The following PUDP variants were observed in gnomAD, a reference collection of about 807,000 sequenced individuals.
PUDP encodes pseudouridine-5'-phosphatase.
PUDP carries 8 observed loss-of-function variants against 9.4 expected under a neutral mutation model. That is an observed-to-expected ratio of 0.85 (90% CI 0.50 to 1.53). The LOEUF is 1.53. Ranked by LOEUF, PUDP falls within the 40% of genes most tolerant of loss-of-function variation. PUDP has a pLI of 0.00. For synonymous variants in PUDP, 99 were observed against 80.7 expected (o/e 1.23, Z -1.22); for missense variants, 188 against 189.7 (o/e 0.99, Z 0.05).
At chrX:6,821,245 C>A (rs754868341) in intron 3 of PUDP, among the ~76,000 whole-genome samples, 1 of 111,644 alleles carries the variant, frequency 9.0e-6, no homozygotes, top group East Asian at 2.9e-4. Context: ...TGCATCCTCA[C>A]AAAGGGCGGG....
chrX:6,733,770 C>CTTTTTTTTTTTT (rs3046297), intron 3 of PUDP, among the ~76,000 whole-genome samples: 1 of 46,262 alleles, frequency 2.2e-5, no homozygotes, highest in Non-Finnish European at 3.4e-5. Flanking sequence ...AAAGCAAAGC[C>CTTTTTTTTTTTT]TTTTTTTTTT....
At chrX:6,706,858 A>G (rs1420582050) in intron 1 of PUDP, among the ~76,000 whole-genome samples, 2 of 111,414 alleles carry the variant, frequency 1.8e-5, no homozygotes, top group African/African-American at 3.3e-5. Flanking sequence ...CATCCCCTTT[A>G]TATTCACCTT....
At chrX:7,054,157 C>G (rs1274178379) in intron 3 of PUDP, among the ~76,000 whole-genome samples, 3 of 112,009 alleles carry the variant, frequency 2.7e-5, no homozygotes, top group African/African-American at 9.7e-5. Context: ...GTGGCTCACA[C>G]CTGTATTTTG....
chrX:6,953,948 C>A (rs1928589586), intron 3 of PUDP, among the ~76,000 whole-genome samples: 1 of 110,878 alleles, frequency 9.0e-6, no homozygotes, highest in Non-Finnish European at 1.9e-5. Flanking sequence ...CCATGCTTTT[C>A]TCAATGATAG....
chrX:6,751,123 C>A (rs904636935), intron 3 of PUDP, among the ~76,000 whole-genome samples: 10 of 103,636 alleles, frequency 9.6e-5, no homozygotes, highest in African/African-American at 3.6e-4. Context: ...GCCTGGGTGA[C>A]AGAGTGAGAA....
At position 6,851,318 on chromosome X, in the gene PUDP, C is replaced by T. The variant is rs1278405880; in HGVS notation, c.*247+125815G>A. 1.8e-5 allele frequency among the ~76,000 whole-genome samples: 2 copies of T among 112,086 alleles called. 1 individual carries two copies. Among genetic ancestry groups the T allele is most frequent in the South Asian group, 7.3e-4 (2 of 2,730 alleles). ...TTCTAGAGAAGTGAAAGCAATTAGA[C>T]GTTATCCTTCATTTCTTCTGTTCAG... is the stretch of plus-strand genomic sequence containing the variant. On this transcript the variant is annotated intron_variant and NMD_transcript_variant, in intron 3 of 3. Coordinates refer to the PUDP transcript ENST00000655425.
At position 6,759,676 on chromosome X, in the gene PUDP, TAG is replaced by T; in HGVS notation, c.*248-53212_*248-53211del. Among the ~76,000 whole-genome samples, 4 of 111,867 alleles carry T rather than the reference TAG, an allele frequency of 3.6e-5. No individual in the cohort carries two copies. In the Admixed American group the frequency reaches 3.8e-4, roughly 11 times the overall value. On this transcript the variant is annotated intron_variant and NMD_transcript_variant, in intron 3 of 3. Transcript: ENST00000655425. ...TTGAGTATGTTGGCACTTTAGTGTG[TAG>T]GTAATTTTCTCGGTTGCTTTCATGG... is the stretch of plus-strand genomic sequence containing the variant.
intron 3 of PUDP, among the ~76,000 whole-genome samples, chrX:6,811,732 T>C (rs1431055289): frequency 8.9e-6 from 1 of 111,878 alleles, no homozygotes; most frequent in Non-Finnish European, 1.9e-5. Context: ...TCCTCCTGGC[T>C]TGGCCTCCCA....
At chrX:6,899,297 T>C (rs1179480393) in intron 3 of PUDP, among the ~76,000 whole-genome samples, 1 of 112,917 alleles carries the variant, frequency 8.9e-6, no homozygotes, top group East Asian at 2.8e-4. Context: ...AAGATTGTTA[T>C]TGTGGGCCGG....
At chrX:6,826,435 C>A (rs1394007144) in intron 3 of PUDP, among the ~76,000 whole-genome samples, 1 of 111,696 alleles carries the variant, frequency 9.0e-6, no homozygotes, top group East Asian at 2.8e-4. Flanking sequence ...TTGATCAGAA[C>A]ACCAGGTAGG....
chrX:7,110,074 G>A (rs1013996549), intron 1 of PUDP, among the ~76,000 whole-genome samples: 1 of 112,282 alleles, frequency 8.9e-6, no homozygotes, highest in Admixed American at 9.4e-5. Context: ...CAGGGAGGTG[G>A]AAGCTCTGAA....
At chrX:6,710,645 G>A (rs181540980) in intron 1 of PUDP, among the ~76,000 whole-genome samples, 1 of 112,060 alleles carries the variant, frequency 8.9e-6, no homozygotes, top group Admixed American at 9.5e-5. Context: ...TGTTCATTGT[G>A]GTGGATGTCA....
intron 3 of PUDP, among the ~76,000 whole-genome samples, chrX:6,835,359 C>A (rs6529985): frequency 0.2 from 21,822 of 109,962 alleles, 1,772 homozygotes; most frequent in East Asian, 0.46. Context: ...CCGACGATAC[C>A]CCAAGCAAAG....
intron 3 of PUDP, among the ~76,000 whole-genome samples, chrX:6,751,327 A>G (rs913363888): frequency 4.5e-5 from 5 of 111,638 alleles, no homozygotes; most frequent in Admixed American, 3.8e-4. Flanking sequence ...CATCATTGCT[A>G]TAGATGGATT....
At chrX:6,731,739 GGGAA>G (rs200530719) in intron 3 of PUDP, among the ~76,000 whole-genome samples, 4 of 89,604 alleles carry the variant, frequency 4.5e-5, no homozygotes, top group Admixed American at 1.2e-4. Context: ...AAAAGAAGGA[GGGAA>G]GGAAGGAAGG....
chrX:6,874,744 C>T (rs971462088), intron 3 of PUDP, among the ~76,000 whole-genome samples: 12 of 112,309 alleles, frequency 1.1e-4, no homozygotes, highest in Non-Finnish European at 1.9e-4. Context: ...TGTTCTCTCC[C>T]TTGGATTAAA....
chrX:6,826,623 G>A (rs1297745867), intron 3 of PUDP, among the ~76,000 whole-genome samples: 2 of 111,975 alleles, frequency 1.8e-5, no homozygotes, highest in East Asian at 2.8e-4. Flanking sequence ...GATGTACAAC[G>A]TAGCAAAAAA....
intron 3 of PUDP, among the ~76,000 whole-genome samples, chrX:6,730,287 G>T (rs971668455): frequency 8.9e-6 from 1 of 112,233 alleles, no homozygotes; most frequent in Non-Finnish European, 1.9e-5. Context: ...TGACTGTCAG[G>T]TTTATCCACT....
At chrX:6,751,159 A>G (rs184216312) in intron 3 of PUDP, among the ~76,000 whole-genome samples, 1 of 110,340 alleles carries the variant, frequency 9.1e-6, no homozygotes, top group Non-Finnish European at 1.9e-5. Flanking sequence ...GGAAAGAAAG[A>G]AAAAAGAAAG....
Sources: allele counts gnomAD v4.1 joint callset (sites outside exome capture counted in the v4.1 genomes callset), GRCh38; gene constraint gnomAD v4.1.1; transcripts MANE v1.5; gene names NCBI Gene and HGNC (gene_info 2026-07-23, HGNC 2026-07-21).